The following GNAI1 variants were observed in gnomAD, a reference collection of about 807,000 sequenced individuals.
GNAI1 encodes guanine nucleotide-binding protein G(i) subunit alpha-1.
GNAI1 carries 11 observed loss-of-function variants against 38.9 expected under a neutral mutation model. The observed-to-expected ratio is 0.28, with a 90% confidence interval of 0.18 to 0.47. The LOEUF (loss-of-function observed/expected upper bound fraction) is 0.47, where lower values mean the gene tolerates loss of function less well. GNAI1 is among the 20% of genes least tolerant of loss of function. GNAI1 has a pLI of 0.99. For synonymous variants in GNAI1, 166 were observed against 145.1 expected, an observed-to-expected ratio of 1.14 and a Z score of -1.04; for missense variants, 317 against 436.9, an observed-to-expected ratio of 0.73 and a Z score of 2.45.
At chr7:80,201,263 T>G (rs35118140) in intron 4 of GNAI1, among the ~76,000 whole-genome samples, 21,083 of 152,172 alleles carry the variant, frequency 0.14, 1,710 homozygotes, top group South Asian at 0.23. Context: ...AAGATTGCTT[T>G]GAGTCGAGTC....
At chr7:80,211,210 A>C in intron 6 of GNAI1, 112 bp downstream of exon 6, 1 of 854,986 alleles carries the variant, frequency 1.2e-6, no homozygotes, top group East Asian at 2.7e-5. Flanking sequence ...CTTTCCTCTA[A>C]CTTTTCTATT....
At chr7:80,157,390 TA>T (rs1787837646) in intron 1 of GNAI1, among the ~76,000 whole-genome samples, 1 of 152,222 alleles carries the variant, frequency 6.6e-6, no homozygotes, top group Admixed American at 6.5e-5. Context: ...TAATTATGAA[TA>T]AAGCTATTGT....
chr7:80,135,632 G>C (rs973677680), intron 1 of GNAI1: 4 of 195,012 alleles, frequency 2.1e-5, no homozygotes, highest in Non-Finnish European at 3.5e-5. Context: ...GGCATTCGCG[G>C]CTAGAAAATG....
intron 3 of GNAI1, among the ~76,000 whole-genome samples, chr7:80,196,268 A>G (rs979234465): frequency 3.9e-5 from 6 of 151,958 alleles, no homozygotes; most frequent in East Asian, 1.9e-4. Context: ...GCTTTGCTAC[A>G]TGCAAGGAAT....
chr7:80,217,224 A>T, intron 7 of GNAI1, 79 bp from the exon 8 acceptor site: 3 of 903,464 alleles, frequency 3.3e-6, no homozygotes, highest in Non-Finnish European at 3.3e-6. Context: ...TCAGTTTCAT[A>T]TGTATGAAAC....
intron 4 of GNAI1, among the ~76,000 whole-genome samples, chr7:80,200,768 A>G (rs1417413301): frequency 6.9e-6 from 1 of 144,434 alleles, no homozygotes; most frequent in East Asian, 1.9e-4. Context: ...AACATTTTAC[A>G]CTTGTATTAA....
At chr7:80,171,567 C>T (rs1019764745) in intron 1 of GNAI1, among the ~76,000 whole-genome samples, 2 of 152,192 alleles carry the variant, frequency 1.3e-5, no homozygotes, top group Non-Finnish European at 2.9e-5. Context: ...TGTAAAATGG[C>T]ATCTAGCGAA....
chr7:80,203,430 T>C (rs1788723059), intron 4 of GNAI1, among the ~76,000 whole-genome samples: 2 of 152,084 alleles, frequency 1.3e-5, no homozygotes, highest in African/African-American at 4.8e-5. Flanking sequence ...CTTTTTCCTT[T>C]GAATCACTGA....
At chr7:80,184,639 A>G (rs1051197445) in intron 1 of GNAI1, among the ~76,000 whole-genome samples, 5 of 152,056 alleles carry the variant, frequency 3.3e-5, no homozygotes, top group Admixed American at 6.5e-5. Context: ...GTTTTTTTCT[A>G]TCTATATGGA....
chr7:80,203,189 G>A (rs1028001726), intron 4 of GNAI1, among the ~76,000 whole-genome samples: 1 of 152,172 alleles, frequency 6.6e-6, no homozygotes, highest in East Asian at 1.9e-4. Flanking sequence ...GCGTAAAGGA[G>A]TATGTGCTGT....
Position 80,196,243 on chromosome 7 carries a change from T to A in GNAI1, c.304-2982T>A, listed in dbSNP as rs534503520. On this transcript the variant is annotated intron_variant, in intron 3 of 7. Coordinates refer to ENST00000649796, the MANE Select transcript of GNAI1 (RefSeq NM_002069.6). ...CTTATTTTTGTTTAGCTTTTAGTAA[T>A]TTGAAAATATTTTAGCTTTGCTACA... Among the ~76,000 whole-genome samples, 22 of 152,144 alleles carry A rather than the reference T, an allele frequency of 1.4e-4. No individual in the cohort carries two copies. The South Asian group carries it at 4.3e-3, about 30-fold the overall frequency.
In GNAI1 at chr7:80,225,732, T is replaced by C. The variant is rs893928848; in HGVS notation, c.*8239T>C. On this transcript the variant is annotated 3_prime_UTR_variant, in exon 8 of 8. Transcript: ENST00000649796. ...TTGCAAATGGTTTGCTCTTTAACAGTCAATAAAATCATATCTACTAATCAA... is the reference window on the plus strand; with the variant it reads ...TTGCAAATGGTTTGCTCTTTAACAGCCAATAAAATCATATCTACTAATCAA... Among the ~76,000 whole-genome samples, 2 of 152,210 alleles carry C rather than the reference T, an allele frequency of 1.3e-5. No individual in the cohort carries two copies. The highest frequency in any genetic ancestry group is 4.8e-5 in the African/African-American group (2 of 41,450).
intron 1 of GNAI1, among the ~76,000 whole-genome samples, chr7:80,171,088 A>G (rs1017472527): frequency 1.3e-5 from 2 of 152,216 alleles, no homozygotes; most frequent in African/African-American, 4.8e-5. Context: ...ACTAAAGTAT[A>G]TTGTTAAATT....
chr7:80,184,652 C>T (rs963778077), intron 1 of GNAI1, among the ~76,000 whole-genome samples: 1 of 152,190 alleles, frequency 6.6e-6, no homozygotes, highest in Non-Finnish European at 1.5e-5. Context: ...TATATGGAGA[C>T]TGCCTTTCCC....
intron 1 of GNAI1, among the ~76,000 whole-genome samples, chr7:80,165,335 C>T (rs980158082): frequency 2.0e-5 from 3 of 152,144 alleles, no homozygotes; most frequent in Non-Finnish European, 4.4e-5. Context: ...GATCTCACTC[C>T]ACAGCTAGAG....
chr7:80,192,358 A>G (rs1369892060), intron 3 of GNAI1, among the ~76,000 whole-genome samples: 3 of 152,132 alleles, frequency 2.0e-5, no homozygotes, highest in African/African-American at 4.8e-5. Context: ...ATATTTTATA[A>G]TATCTTTTGC....
chr7:80,179,832 T>C (rs1375053291), intron 1 of GNAI1, among the ~76,000 whole-genome samples: 3 of 152,150 alleles, frequency 2.0e-5, no homozygotes, highest in Non-Finnish European at 4.4e-5. Flanking sequence ...TATGTTATAG[T>C]AGAGGAACCC....
intron 6 of GNAI1, among the ~76,000 whole-genome samples, chr7:80,212,490 G>A (rs1387448489): frequency 6.6e-6 from 1 of 152,192 alleles, no homozygotes; most frequent in Non-Finnish European, 1.5e-5. Context: ...ATGACATATA[G>A]TGGGCACTTG....
Position 80,210,987 on chromosome 7 carries a change from T to C in GNAI1, c.609T>C (p.Gly203=). 1 of 1,613,204 alleles carries C rather than the reference T, an allele frequency of 6.2e-7. No homozygotes were observed. The highest frequency in any genetic ancestry group is 8.5e-7 in the Non-Finnish European group (1 of 1,179,240). The change falls in exon 6 of 8, where the codon GGT becomes GGC. Residue 203 remains glycine, a synonymous_variant. Coordinates refer to ENST00000649796, the MANE Select transcript of GNAI1 (RefSeq NM_002069.6). ...DLHFKMFDVG[G]QRSERKKWIH... ...TTAACAGAATGTTTGATGTGGGAGG[T>C]CAGAGATCTGAGCGGAAGAAGTGGA...
Sources: gnomAD v4.1 joint callset for allele counts (sites outside exome capture counted in the v4.1 genomes callset) on GRCh38, gnomAD v4.1.1 for gene constraint, MANE v1.5 for transcripts, NCBI Gene and HGNC (gene_info 2026-07-23, HGNC 2026-07-21) for gene names.